Variants in MSANTD3 observed in about 807,000 individuals in gnomAD.
MSANTD3 encodes the protein myb/SANT-like DNA-binding domain-containing protein 3.
A neutral mutation model predicts 27.7 loss-of-function variants in MSANTD3; 11 were observed. The observed-to-expected ratio is 0.40, with a 90% CI of 0.25 to 0.66. The LOEUF (loss-of-function observed/expected upper bound fraction) is 0.66, where lower values mean the gene tolerates loss of function less well. Ranked by LOEUF, MSANTD3 falls within the 30% of genes least tolerant of loss-of-function variation. The probability of loss-of-function intolerance (pLI) is 0.41; values close to 1 mark genes in which losing one functional copy is unlikely to be tolerated. For synonymous variants in MSANTD3, 131 were observed against 127.2 expected (o/e 1.03, Z -0.20); for missense variants, 250 against 336.5 (o/e 0.74, Z 2.01).
chr9:100,430,804 A>C (rs1371152052), intron 1 of MSANTD3, among the ~76,000 whole-genome samples: 1 of 152,212 alleles, frequency 6.6e-6, no homozygotes, highest in African/African-American at 2.4e-5. Flanking sequence ...TGACATCATC[A>C]GAAATCAGGA....
intron 2 of MSANTD3, among the ~76,000 whole-genome samples, chr9:100,446,602 G>T (rs1386680389): frequency 6.6e-6 from 1 of 152,042 alleles, no homozygotes; most frequent in Non-Finnish European, 1.5e-5. Context: ...AAGGCAGACC[G>T]ATCACCTGAG....
chr9:100,442,945 G>A (rs1836664687), intron 2 of MSANTD3, among the ~76,000 whole-genome samples: 1 of 151,974 alleles, frequency 6.6e-6, no homozygotes, highest in Admixed American at 6.6e-5. Flanking sequence ...GTTCTTATTA[G>A]TGAGGTGCTG....
At position 100,451,033 on chromosome 9, in the gene MSANTD3, C is replaced by T. The variant is rs1460372815; in HGVS notation, c.*67C>T. 37 of 1,463,868 alleles carry T rather than the reference C, an allele frequency of 2.5e-5. No homozygotes were observed. Among genetic ancestry groups the T allele is most frequent in the African/African-American group, 8.5e-5 (6 of 70,602 alleles). The allele number at this position is 1,463,868 out of a possible 1,614,324, so 90.7% of individuals were successfully genotyped here. On this transcript the variant is annotated 3_prime_UTR_variant, in exon 3 of 3. Transcript: ENST00000395067. The stretch of plus-strand genomic sequence containing the variant: ...AAGAATGTCTGGAACATGGACTTGG[C>T]GGTCAGTAACCTGTAACAGAGCTAC...
intron 1 of MSANTD3, among the ~76,000 whole-genome samples, chr9:100,441,047 T>C (rs568108346): frequency 9.4e-4 from 141 of 150,158 alleles, no homozygotes; most frequent in Non-Finnish European, 1.3e-3. Context: ...GTAGTTCTCC[T>C]GCCTCAGCCT....
chr9:100,446,643 T>A (rs1324691360), intron 2 of MSANTD3, among the ~76,000 whole-genome samples: 1 of 152,092 alleles, frequency 6.6e-6, no homozygotes, highest in Non-Finnish European at 1.5e-5. Flanking sequence ...CTGGCCAACA[T>A]GGCAAAACTC....
rs777871235 is a variant in MSANTD3, at chr9:100,442,316, G to C, written c.378G>C (p.Pro126=). ...AGCTCTACTTCCTGCAGAGCCCCCC[G>C]GAGGAGGAGCCCGAATACCACCCCG... The part of the protein sequence containing the change: ...PEQLYFLQSP[P]EEEPEYHPDA... Residue 126 remains proline (P), a synonymous_variant, in exon 2 of 3, where the codon CCG becomes CCC. Coordinates refer to ENST00000395067, the MANE Select transcript of MSANTD3 (RefSeq NM_080655.3). The C allele has an allele frequency of 2.5e-6, 4 of 1,613,758 alleles. No homozygotes were observed. In the Middle Eastern group the frequency reaches 6.6e-4, roughly 266 times the overall value.
At chr9:100,445,528 A>C (rs1836733805) in intron 2 of MSANTD3, among the ~76,000 whole-genome samples, 1 of 152,372 alleles carries the variant, frequency 6.6e-6, no homozygotes, top group African/African-American at 2.4e-5. Context: ...TGGATTAAAA[A>C]ATATATTACC....
At chr9:100,445,081 A>T in intron 2 of MSANTD3, 1 of 755,510 alleles carries the variant, frequency 1.3e-6, no homozygotes, top group Non-Finnish European at 2.3e-6. Flanking sequence ...GTCCAAAGGT[A>T]ATCTGTTAAT....
intron 1 of MSANTD3, among the ~76,000 whole-genome samples, chr9:100,433,484 C>A (rs995203202): frequency 6.6e-6 from 1 of 152,176 alleles, no homozygotes; most frequent in African/African-American, 2.4e-5. Context: ...ATTCTCCTGT[C>A]TTAGCCACCC....
chr9:100,435,869 T>C (rs1354478266), intron 1 of MSANTD3, among the ~76,000 whole-genome samples: 1 of 152,176 alleles, frequency 6.6e-6, no homozygotes, highest in African/African-American at 2.4e-5. Flanking sequence ...GGCTTCAACA[T>C]ATGGATCTTG....
intron 1 of MSANTD3, among the ~76,000 whole-genome samples, chr9:100,428,526 C>T (rs1720986380): frequency 6.6e-6 from 1 of 152,096 alleles, no homozygotes; most frequent in Non-Finnish European, 1.5e-5. Flanking sequence ...GGTTCACCAT[C>T]CCTCCCCTGC....
chr9:100,434,442 A>T (rs186898609), intron 1 of MSANTD3, among the ~76,000 whole-genome samples: 119 of 152,272 alleles, frequency 7.8e-4, no homozygotes, highest in African/African-American at 2.6e-3. Context: ...AAGCAGGAGT[A>T]TTGTTTGAAC....
intron 1 of MSANTD3, among the ~76,000 whole-genome samples, chr9:100,435,467 T>C (rs977681365): frequency 1.3e-5 from 2 of 152,222 alleles, no homozygotes; most frequent in African/African-American, 4.8e-5. Context: ...TCACCCTTGG[T>C]GGACTTAAAA....
At chr9:100,449,650 T>C (rs1231349684) in intron 2 of MSANTD3, among the ~76,000 whole-genome samples, 2 of 152,094 alleles carry the variant, frequency 1.3e-5, no homozygotes, top group Non-Finnish European at 2.9e-5. Flanking sequence ...GTGGTAGGAC[T>C]GAAGGGTGAA....
chr9:100,437,439 C>A (rs879271272), intron 1 of MSANTD3, among the ~76,000 whole-genome samples: 9 of 152,110 alleles, frequency 5.9e-5, no homozygotes, highest in Non-Finnish European at 8.8e-5. Flanking sequence ...TATTTTGTGA[C>A]CAGAGTAAGT....
At chr9:100,446,224 G>A (rs10819779) in intron 2 of MSANTD3, among the ~76,000 whole-genome samples, 7,413 of 152,208 alleles carry the variant, frequency 0.049, 396 homozygotes, top group South Asian at 0.24. Flanking sequence ...CTTAATAAAT[G>A]CCATTATTAT....
chr9:100,437,916 C>T (rs576648301), intron 1 of MSANTD3, among the ~76,000 whole-genome samples: 13 of 152,198 alleles, frequency 8.5e-5, no homozygotes, highest in Admixed American at 3.9e-4. Flanking sequence ...ACATTTGTTA[C>T]GCCTACAGTA....
rs1353270148 is a variant in MSANTD3, at chr9:100,442,432, T to C, written c.418+76T>C. ...CATTTTAATTTTAAAACCCTCCACT[T>C]TGAGGGAACTTCTAAAAATGAAACT... On this transcript the variant is annotated intron_variant, in intron 2 of 2. Coordinates refer to ENST00000395067, the MANE Select transcript of MSANTD3 (RefSeq NM_080655.3). 8 of 1,506,820 alleles carry C rather than the reference T, an allele frequency of 5.3e-6. 1 individual carries two copies. Among genetic ancestry groups the C allele is most frequent in the Non-Finnish European group, 7.0e-6 (8 of 1,137,032 alleles). The allele number at this position is 1,506,820 out of a possible 1,614,324, so 93.3% of individuals were successfully genotyped here.
In MSANTD3 at chr9:100,451,022, C is replaced by A; in HGVS notation, c.*56C>A. 6 of 1,507,244 alleles carry A rather than the reference C, an allele frequency of 4.0e-6. No homozygotes were observed. Among genetic ancestry groups the A allele is most frequent in the Non-Finnish European group, 5.3e-6 (6 of 1,126,484 alleles). The allele number at this position is 1,507,244 out of a possible 1,614,324, so 93.4% of individuals were successfully genotyped here. ...CTGTGTTGGCAAAGAATGTCTGGAA[C>A]ATGGACTTGGCGGTCAGTAACCTGT... On this transcript the variant is annotated 3_prime_UTR_variant, in exon 3 of 3. Coordinates refer to ENST00000395067, the MANE Select transcript of MSANTD3 (RefSeq NM_080655.3).
Sources: gnomAD v4.1 joint callset for allele counts (sites outside exome capture counted in the v4.1 genomes callset) on GRCh38, gnomAD v4.1.1 for gene constraint, MANE v1.5 for transcripts, NCBI Gene and HGNC (gene_info 2026-07-23, HGNC 2026-07-21) for gene names.